The following STXBP5L variants were observed in gnomAD, a reference collection of about 807,000 sequenced individuals.
The protein encoded by STXBP5L is syntaxin-binding protein 5-like.
A neutral mutation model predicts 144.5 loss-of-function variants in STXBP5L; 65 were observed. That is an observed-to-expected ratio of 0.45 (90% CI 0.37 to 0.55). The LOEUF (loss-of-function observed/expected upper bound fraction) is 0.55, where lower values mean the gene tolerates loss of function less well. Among genes scored for constraint, STXBP5L ranks in the 20% least tolerant of loss-of-function variants. The pLI is 0.00. For synonymous variants in STXBP5L, 505 were observed against 469.6 expected, an observed-to-expected ratio of 1.08 and a Z score of -0.97; for missense variants, 1,298 against 1,405.5, an observed-to-expected ratio of 0.92 and a Z score of 1.22.
At chr3:121,027,306 G>T (rs916993002) in intron 3 of STXBP5L, among the ~76,000 whole-genome samples, 3 of 152,058 alleles carry the variant, frequency 2.0e-5, no homozygotes, top group African/African-American at 7.2e-5. Context: ...GGAAATTAGT[G>T]TAAGAAAAGG....
rs572954558 is a variant in STXBP5L at position 121,417,255 on chromosome 3, G to A, written c.3227-1082G>A. 5.3e-5 allele frequency among the ~76,000 whole-genome samples: 8 copies of A among 152,164 alleles called. No individual in the cohort carries two copies. The South Asian group carries it at 8.3e-4, about 16-fold the overall frequency. On this transcript the variant is annotated intron_variant, in intron 25 of 26. Transcript: ENST00000471454. The stretch of plus-strand genomic sequence containing the variant: ...CTGCAATCAGATAGTGGTGATGGTC[G>A]TACAACTTTGTGAATACACTAAAAA...
intron 24 of STXBP5L, among the ~76,000 whole-genome samples, chr3:121,413,603 AAGAT>A (rs1457973735): frequency 5.9e-5 from 9 of 152,176 alleles, no homozygotes; most frequent in Non-Finnish European, 8.8e-5. Context: ...AATCTTATAA[AAGAT>A]TATAAACTCT....
intron 5 of STXBP5L, among the ~76,000 whole-genome samples, chr3:121,084,904 A>T (rs911346775): frequency 1.3e-5 from 2 of 152,126 alleles, no homozygotes; most frequent in African/African-American, 4.8e-5. Flanking sequence ...AATGGTCATC[A>T]TTCTGACTGG....
At chr3:121,143,813 G>C (rs2045606753) in intron 7 of STXBP5L, among the ~76,000 whole-genome samples, 1 of 151,718 alleles carries the variant, frequency 6.6e-6, no homozygotes, top group Admixed American at 6.6e-5. Flanking sequence ...ATTCAAAATG[G>C]ATTAAAGACT....
At chr3:121,393,850 G>A (rs2046657874) in intron 22 of STXBP5L, among the ~76,000 whole-genome samples, 1 of 152,080 alleles carries the variant, frequency 6.6e-6, no homozygotes, top group Admixed American at 6.5e-5. Context: ...ATAATTTGAA[G>A]TCAGGCAATG....
At chr3:120,947,544 A>G (rs745376762) in intron 2 of STXBP5L, among the ~76,000 whole-genome samples, 3 of 151,960 alleles carry the variant, frequency 2.0e-5, no homozygotes, top group East Asian at 1.9e-4. Flanking sequence ...GAGTTGTGCA[A>G]CAACCTCCAC....
intron 11 of STXBP5L, among the ~76,000 whole-genome samples, chr3:121,228,961 A>G (rs955577708): frequency 3.3e-5 from 5 of 152,194 alleles, no homozygotes; most frequent in South Asian, 2.1e-4. Context: ...GTATCAGTGT[A>G]TTTTAACATC....
chr3:121,185,385 T>C (rs1016957358), intron 9 of STXBP5L, among the ~76,000 whole-genome samples: 1 of 152,242 alleles, frequency 6.6e-6, no homozygotes, highest in African/African-American at 2.4e-5. Flanking sequence ...GCCTATGTCC[T>C]GAATGGTATT....
chr3:120,932,849 A>G (rs999335771), intron 2 of STXBP5L, among the ~76,000 whole-genome samples: 1 of 152,142 alleles, frequency 6.6e-6, no homozygotes, highest in African/African-American at 2.4e-5. Flanking sequence ...CATATACACC[A>G]TGGAATACTA....
Position 120,995,736 on chromosome 3 carries a change from C to T in STXBP5L, c.287+40699C>T, listed in dbSNP as rs140702859. ...TTAAGTATTTTTTACATACATTGAG[C>T]GCCATATCAGATAATGTTATAACTG... is the stretch of plus-strand genomic sequence containing the variant. On this transcript the variant is annotated intron_variant, in intron 3 of 26. Coordinates refer to ENST00000471454, the MANE Select transcript of STXBP5L (RefSeq NM_001308330.2). Among the ~76,000 whole-genome samples the T allele has an allele frequency of 1.5e-3, 221 of 151,956 alleles. 1 individual carries two copies. The highest frequency in any genetic ancestry group is 5.1e-3 in the African/African-American group (210 of 41,454).
chr3:120,984,394 G>T (rs1362617626), intron 3 of STXBP5L, among the ~76,000 whole-genome samples: 1 of 152,054 alleles, frequency 6.6e-6, no homozygotes, highest in Non-Finnish European at 1.5e-5. Flanking sequence ...TTGAATTTTT[G>T]TGTTGGGAAG....
chr3:121,008,769 G>A (rs545563845), intron 3 of STXBP5L, among the ~76,000 whole-genome samples: 47 of 152,002 alleles, frequency 3.1e-4, no homozygotes, highest in South Asian at 6.2e-4. Flanking sequence ...CCTTTGGTTT[G>A]AGGCAATTTT....
chr3:121,313,559 C>A (rs1249364410), intron 19 of STXBP5L, among the ~76,000 whole-genome samples: 3 of 44,944 alleles, frequency 6.7e-5, no homozygotes, highest in African/African-American at 3.2e-4. Flanking sequence ...GCCGGCCGGG[C>A]GGGGGGCTGA....
chr3:121,046,716 C>A (rs545908273), intron 5 of STXBP5L, among the ~76,000 whole-genome samples: 235 of 152,022 alleles, frequency 1.5e-3, no homozygotes, highest in Non-Finnish European at 2.5e-3. Flanking sequence ...TCTTTTTTGG[C>A]ATTTATGATT....
At chr3:121,093,866 G>A (rs535228264) in intron 5 of STXBP5L, among the ~76,000 whole-genome samples, 2,940 of 151,934 alleles carry the variant, frequency 0.019, 90 homozygotes, top group African/African-American at 0.066. Flanking sequence ...GTGATGTTAG[G>A]GTGTCAATTT....
chr3:121,022,446 G>A (rs1945626522), intron 3 of STXBP5L, among the ~76,000 whole-genome samples: 1 of 151,828 alleles, frequency 6.6e-6, no homozygotes, highest in South Asian at 2.1e-4. Context: ...ACCAAGAAAG[G>A]ACCTTAAATA....
intron 3 of STXBP5L, among the ~76,000 whole-genome samples, chr3:120,962,079 G>T (rs1173063009): frequency 6.6e-6 from 1 of 152,198 alleles, no homozygotes; most frequent in African/African-American, 2.4e-5. Flanking sequence ...CTTCTTTTGA[G>T]AAGTGTCTGT....
chr3:120,982,833 CCCCTAG>C (rs1350426387), intron 3 of STXBP5L, among the ~76,000 whole-genome samples: 1 of 152,172 alleles, frequency 6.6e-6, no homozygotes, highest in African/African-American at 2.4e-5. Context: ...AATTTCCAGG[CCCCTAG>C]ATGGCCCCTT....
At chr3:121,159,569 T>C (rs2046240243) in intron 9 of STXBP5L, among the ~76,000 whole-genome samples, 1 of 151,802 alleles carries the variant, frequency 6.6e-6, no homozygotes, top group Non-Finnish European at 1.5e-5. Flanking sequence ...TGCTTTATAA[T>C]CAGTGCAGAG....
Sources: allele counts gnomAD v4.1 joint callset (sites outside exome capture counted in the v4.1 genomes callset), GRCh38; gene constraint gnomAD v4.1.1; transcripts MANE v1.5; gene names NCBI Gene and HGNC (gene_info 2026-07-23, HGNC 2026-07-21).